Variants in ZDHHC11B observed in about 807,000 individuals in gnomAD.
ZDHHC11B encodes the protein probable palmitoyltransferase ZDHHC11B.
In ZDHHC11B, 17 loss-of-function variants were observed where a neutral mutation model predicts 42.3. The ratio of observed to expected loss-of-function variants is 0.40; its 90% CI spans 0.27 to 0.60. The LOEUF (loss-of-function observed/expected upper bound fraction) is 0.60. Among genes scored for constraint, ZDHHC11B ranks in the 20% least tolerant of loss-of-function variants. ZDHHC11B has a pLI of 0.41. For missense variants in ZDHHC11B, 262 were observed against 463.2 expected (o/e 0.57, Z 3.99); for synonymous variants, 123 against 193.5 (o/e 0.64, Z 3.02).
rs533497541 is a variant in ZDHHC11B at position 736,738 on chromosome 5, C to G, written c.936-2899G>C. 2.4e-3 allele frequency among the ~76,000 whole-genome samples: 317 copies of G among 131,394 alleles called. 4 individuals carry two copies. The highest frequency in any genetic ancestry group is 3.8e-3 in the Non-Finnish European group (233 of 62,028). The allele number at this position is 131,394 out of a possible 152,430, so 86.2% of individuals were successfully genotyped here. A position where few individuals can be genotyped will look rare whatever the true frequency, so the allele number is the denominator to read the frequency against. The stretch of plus-strand genomic sequence containing the variant: ...ATGATCTTTGGGTCGACAATGAAAT[C>G]CAGAGGGAAATTTAAAAGTTCTTCA... On this transcript the variant is annotated intron_variant, in intron 10 of 13. Transcript: ENST00000508859.
chr5:770,412 G>T (rs1218230928), intron 1 of ZDHHC11B, among the ~76,000 whole-genome samples: 3 of 150,602 alleles, frequency 2.0e-5, no homozygotes, highest in African/African-American at 7.3e-5. Flanking sequence ...CCCAGGGTGG[G>T]AGCTGAGCTG....
chr5:747,012 T>C (rs1321310109), intron 8 of ZDHHC11B, among the ~76,000 whole-genome samples: 5 of 116,678 alleles, frequency 4.3e-5, no homozygotes, highest in African/African-American at 1.5e-4. Flanking sequence ...TGATGAATTC[T>C]GGGTGGAGTG....
At chr5:730,653 T>C (rs184183057) in intron 11 of ZDHHC11B, among the ~76,000 whole-genome samples, 185 bp from the exon 12 acceptor site, 24 of 151,858 alleles carry the variant, frequency 1.6e-4, no homozygotes, top group Admixed American at 3.3e-4. Context: ...CCTTGTATTA[T>C]GGGCTGAACT....
rs1220935712 is a variant in ZDHHC11B at position 748,609 on chromosome 5, C to T, written c.629-50G>A. On this transcript the variant is annotated intron_variant, in intron 7 of 13. Transcript: ENST00000508859. ...GTGTCCAGCACCTGCTGACGGGTGC[C>T]ACATCAGGTGGATGTCACAGACCAG... The T allele has an allele frequency of 1.8e-5, 24 of 1,321,410 alleles. 7 individuals are homozygous for T. The highest frequency in any genetic ancestry group is 2.2e-5 in the Non-Finnish European group (22 of 996,362). The allele number at this position is 1,321,410 out of a possible 1,614,324, so 81.9% of individuals were successfully genotyped here.
intron 12 of ZDHHC11B, among the ~76,000 whole-genome samples, chr5:722,878 T>C (rs1429647526): frequency 4.0e-5 from 6 of 151,536 alleles, no homozygotes; most frequent in Non-Finnish European, 8.8e-5. Context: ...GTGAAAAAGG[T>C]GATTCCTCAA....
At chr5:720,628 T>C (rs1195835710) in intron 12 of ZDHHC11B, among the ~76,000 whole-genome samples, 1 of 151,874 alleles carries the variant, frequency 6.6e-6, no homozygotes. Context: ...CAGGTAAATA[T>C]ACAAGTCAAT....
chr5:758,406 G>A (rs1561172606), intron 4 of ZDHHC11B, among the ~76,000 whole-genome samples: 2 of 151,902 alleles, frequency 1.3e-5, no homozygotes, highest in Admixed American at 6.6e-5. Flanking sequence ...CACATTCTCC[G>A]GGCTTCGCAC....
chr5:763,512 C>G (rs557147107), intron 4 of ZDHHC11B, among the ~76,000 whole-genome samples: 4 of 151,928 alleles, frequency 2.6e-5, no homozygotes, highest in Admixed American at 1.3e-4. Flanking sequence ...GACTGTTGCA[C>G]TTGGGGAAAA....
At chr5:758,612 G>A (rs1327876349) in intron 4 of ZDHHC11B, among the ~76,000 whole-genome samples, 5 of 151,720 alleles carry the variant, frequency 3.3e-5, no homozygotes, top group Admixed American at 6.6e-5. Context: ...ACCTGCAGGC[G>A]CCATGGCCAG....
intron 10 of ZDHHC11B, among the ~76,000 whole-genome samples, chr5:735,998 T>C (rs1743472666): frequency 2.0e-5 from 3 of 149,688 alleles, no homozygotes; most frequent in Non-Finnish European, 3.0e-5. Flanking sequence ...AAATGGCCTA[T>C]AAGCACCATC....
chr5:743,966 T>C (rs1457675559), intron 9 of ZDHHC11B, among the ~76,000 whole-genome samples: 1 of 149,868 alleles, frequency 6.7e-6, no homozygotes, highest in Non-Finnish European at 1.5e-5. Context: ...CTTTCACCAG[T>C]AAATGTCATG....
At chr5:775,854 G>A (rs1736430830) in intron 1 of ZDHHC11B, among the ~76,000 whole-genome samples, 1 of 150,106 alleles carries the variant, frequency 6.7e-6, no homozygotes, top group South Asian at 2.1e-4. Flanking sequence ...CAAGCTGACT[G>A]GGAAACAGGT....
intron 1 of ZDHHC11B, among the ~76,000 whole-genome samples, chr5:775,471 G>A (rs1264033402): frequency 2.6e-5 from 4 of 152,076 alleles, no homozygotes; most frequent in Non-Finnish European, 5.9e-5. Context: ...ACCAGAACCC[G>A]AAGGCAAGCA....
chr5:754,580 G>T (rs372020564), intron 6 of ZDHHC11B, among the ~76,000 whole-genome samples: 966 of 78,728 alleles, frequency 0.012, no homozygotes, highest in African/African-American at 0.019. Flanking sequence ...CCTCTCATCT[G>T]TGAGCCTCCA....
intron 1 of ZDHHC11B, among the ~76,000 whole-genome samples, chr5:772,967 G>T (rs1387870811): frequency 6.6e-6 from 1 of 151,916 alleles, no homozygotes; most frequent in Non-Finnish European, 1.5e-5. Flanking sequence ...GAATGAATTA[G>T]GCACGATGTG....
At chr5:778,198 C>T (rs922348728) in intron 1 of ZDHHC11B, among the ~76,000 whole-genome samples, 1 of 151,780 alleles carries the variant, frequency 6.6e-6, no homozygotes, top group Admixed American at 6.6e-5. Context: ...GGGCCAACAC[C>T]ATTTCTCTAA....
At position 749,482 on chromosome 5, in the gene ZDHHC11B, CG is replaced by C. The variant is rs1745323370; in HGVS notation, c.629-924del. On this transcript the variant is annotated intron_variant, in intron 7 of 13. Transcript: ENST00000508859. ...TTGGGGGCCTTCCTAGATGGCCCGA[CG>C]GGACAGTAGCTCAAAGTGCCTGGGC... 1.5e-5 allele frequency among the ~76,000 whole-genome samples: 2 copies of C among 129,972 alleles called. 1 individual carries two copies. The highest frequency in any genetic ancestry group is 3.4e-5 in the Non-Finnish European group (2 of 58,390). 85.3% of individuals were successfully genotyped at this position (129,972 alleles called of 152,430 possible).
chr5:750,871 G>C (rs1745527381), intron 7 of ZDHHC11B, among the ~76,000 whole-genome samples: 1 of 126,260 alleles, frequency 7.9e-6, no homozygotes, highest in African/African-American at 2.6e-5. Flanking sequence ...GGACCCCACT[G>C]TCTCTCGCCT....
intron 12 of ZDHHC11B, among the ~76,000 whole-genome samples, chr5:724,500 C>T (rs1190012542): frequency 2.4e-4 from 35 of 146,064 alleles, no homozygotes; most frequent in Admixed American, 1.4e-4. Context: ...CTCAGCCTCC[C>T]GAGTAGCTGG....
Sources: allele counts gnomAD v4.1 joint callset (sites outside exome capture counted in the v4.1 genomes callset), GRCh38; gene constraint gnomAD v4.1.1; transcripts MANE v1.5; gene names NCBI Gene and HGNC (gene_info 2026-07-23, HGNC 2026-07-21).